The following MCTP1 variants were observed in gnomAD, a reference collection of about 807,000 sequenced individuals.
The protein encoded by MCTP1 is multiple C2 and transmembrane domain containing 1.
In MCTP1, 69 loss-of-function variants were observed where a neutral mutation model predicts 120.6. The ratio of observed to expected loss-of-function variants is 0.57; its 90% CI spans 0.47 to 0.70. The LOEUF is 0.70. MCTP1 is among the 30% of genes least tolerant of loss of function. The probability of loss-of-function intolerance (pLI) is 0.00; values close to 1 mark genes in which losing one functional copy is unlikely to be tolerated. For synonymous variants in MCTP1, 529 were observed against 493.1 expected, an observed-to-expected ratio of 1.07 and a Z score of -0.96; for missense variants, 1,203 against 1,248.8, an observed-to-expected ratio of 0.96 and a Z score of 0.55.
At chr5:94,937,631 A>AT (rs1816512018) in intron 5 of MCTP1, among the ~76,000 whole-genome samples, 1 of 151,972 alleles carries the variant, frequency 6.6e-6, no homozygotes, top group Non-Finnish European at 1.5e-5. Context: ...TTTTGCAAGG[A>AT]TTGTTGAAGA....
intron 1 of MCTP1, among the ~76,000 whole-genome samples, chr5:95,170,080 G>T (rs145060659): frequency 4.6e-5 from 7 of 152,106 alleles, no homozygotes; most frequent in African/African-American, 1.4e-4. Flanking sequence ...ACACTGCTTT[G>T]AATGTGTCCC....
At chr5:94,869,343 A>C (rs1220625327) in intron 16 of MCTP1, among the ~76,000 whole-genome samples, 1 of 151,982 alleles carries the variant, frequency 6.6e-6, no homozygotes, top group Non-Finnish European at 1.5e-5. Context: ...ATATGGAAAA[A>C]ATATATATAT....
intron 1 of MCTP1, among the ~76,000 whole-genome samples, chr5:95,196,478 T>C (rs912197056): frequency 6.6e-6 from 1 of 152,158 alleles, no homozygotes; most frequent in Non-Finnish European, 1.5e-5. Flanking sequence ...TCTTAACCAC[T>C]AGGCTCCTAA....
chr5:95,224,833 C>T (rs1156431228), intron 1 of MCTP1, among the ~76,000 whole-genome samples: 2 of 152,094 alleles, frequency 1.3e-5, no homozygotes, highest in Non-Finnish European at 2.9e-5. Flanking sequence ...TTAACACCCC[C>T]AATCATTTGT....
At chr5:94,834,742 C>G (rs1789315209) in intron 17 of MCTP1, among the ~76,000 whole-genome samples, 1 of 151,330 alleles carries the variant, frequency 6.6e-6, no homozygotes, top group Non-Finnish European at 1.5e-5. Flanking sequence ...AATAACCTAT[C>G]TCAGAACAAA....
intron 1 of MCTP1, among the ~76,000 whole-genome samples, chr5:95,203,173 C>A (rs1374706041): frequency 2.6e-5 from 4 of 152,160 alleles, no homozygotes; most frequent in African/African-American, 9.7e-5. Flanking sequence ...GGATGGCTTC[C>A]ATTTTGATCA....
intron 6 of MCTP1, chr5:94,929,657 C>T (rs929816409): frequency 8.0e-5 from 79 of 984,780 alleles, no homozygotes; most frequent in East Asian, 1.1e-4. Flanking sequence ...CACAATTTAC[C>T]GGAGGAAAAG....
intron 1 of MCTP1, among the ~76,000 whole-genome samples, chr5:95,102,851 C>T (rs1366130840): frequency 2.0e-5 from 3 of 152,154 alleles, no homozygotes; most frequent in Non-Finnish European, 4.4e-5. Context: ...TAAGTGTGCA[C>T]TTATTAACAA....
chr5:95,122,951 G>T (rs1407666555), intron 1 of MCTP1, among the ~76,000 whole-genome samples: 1 of 152,086 alleles, frequency 6.6e-6, no homozygotes, highest in South Asian at 2.1e-4. Flanking sequence ...ATTAAAATAA[G>T]TAGAAGGGCG....
At chr5:95,095,005 G>GTTTTTTT (rs1562138448) in intron 1 of MCTP1, among the ~76,000 whole-genome samples, 20 of 79,550 alleles carry the variant, frequency 2.5e-4, no homozygotes, top group African/African-American at 9.5e-4. Context: ...TGTTATGTTA[G>GTTTTTTT]ATTTTTTTTT....
At chr5:95,010,338 A>G (rs969709492) in intron 2 of MCTP1, among the ~76,000 whole-genome samples, 6 of 152,064 alleles carry the variant, frequency 3.9e-5, no homozygotes, top group African/African-American at 1.2e-4. Context: ...ATTCCGGTTC[A>G]AGCTCTCAAC....
intron 1 of MCTP1, among the ~76,000 whole-genome samples, chr5:95,156,148 G>A (rs1745102149): frequency 6.6e-6 from 1 of 152,208 alleles, no homozygotes; most frequent in African/African-American, 2.4e-5. Flanking sequence ...GAACTACAGT[G>A]TGGTGGACAC....
intron 16 of MCTP1, among the ~76,000 whole-genome samples, chr5:94,869,336 T>C (rs573461135): frequency 1.3e-5 from 2 of 152,166 alleles, no homozygotes; most frequent in South Asian, 2.1e-4. Context: ...TGAGGTCATA[T>C]GGAAAAAATA....
At chr5:95,071,171 G>C (rs867991439) in intron 1 of MCTP1, among the ~76,000 whole-genome samples, 1 of 152,340 alleles carries the variant, frequency 6.6e-6, no homozygotes. Flanking sequence ...CAGGAAGGCT[G>C]TAGCCACAGG....
intron 1 of MCTP1, among the ~76,000 whole-genome samples, chr5:95,088,913 G>C (rs1003061548): frequency 1.1e-4 from 16 of 152,158 alleles, no homozygotes; most frequent in Non-Finnish European, 1.9e-4. Context: ...CGCATTATCA[G>C]TCCCTGTGAA....
chr5:95,218,829 G>A (rs1055107139), intron 1 of MCTP1, among the ~76,000 whole-genome samples: 2 of 152,138 alleles, frequency 1.3e-5, no homozygotes, highest in Non-Finnish European at 2.9e-5. Flanking sequence ...GTAAGTTACC[G>A]TACTGAATAC....
intron 1 of MCTP1, among the ~76,000 whole-genome samples, chr5:95,073,420 C>T (rs907729336): frequency 6.6e-5 from 10 of 152,122 alleles, no homozygotes; most frequent in African/African-American, 2.4e-4. Context: ...TGCTCTCCCT[C>T]GACACTGTCC....
chr5:94,834,608 T>A (rs977863459), intron 17 of MCTP1, among the ~76,000 whole-genome samples: 12 of 152,142 alleles, frequency 7.9e-5, no homozygotes, highest in Non-Finnish European at 1.0e-4. Flanking sequence ...CCAGGAACAG[T>A]AGGCAGTGGC....
At chr5:95,230,211 CAT>C (rs1175938930) in intron 1 of MCTP1, among the ~76,000 whole-genome samples, 2 of 148,362 alleles carry the variant, frequency 1.3e-5, no homozygotes, top group African/African-American at 4.9e-5. Context: ...TATACACACA[CAT>C]ATACACATAC....
Sources: gnomAD v4.1 joint callset for allele counts (sites outside exome capture counted in the v4.1 genomes callset) on GRCh38, gnomAD v4.1.1 for gene constraint, MANE v1.5 for transcripts, NCBI Gene and HGNC (gene_info 2026-07-23, HGNC 2026-07-21) for gene names.